NALF1: variants seen among roughly 807,000 people sequenced by gnomAD.
The protein encoded by NALF1 is family with sequence similarity 155 member A.
Under a neutral mutation model 48.4 loss-of-function variants are expected in NALF1, and 3 were observed. The observed-to-expected ratio is 0.06, with a 90% CI of 0.03 to 0.16. NALF1 has a LOEUF of 0.16. NALF1 is among the 10% of genes least tolerant of loss of function. NALF1 has a pLI of 1.00. For missense variants in NALF1, 526 were observed against 571.5 expected (o/e 0.92, Z 0.81); for synonymous variants, 262 against 245.7 (o/e 1.07, Z -0.62).
rs117044738 is a variant in NALF1 at position 107,626,750 on chromosome 13, G to C, written c.915+238932C>G. Among the ~76,000 whole-genome samples the C allele has an allele frequency of 8.5e-5, 13 of 152,132 alleles. No individual in the cohort carries two copies. In the East Asian group the frequency reaches 1.9e-3, roughly 23 times the overall value. On this transcript the variant is annotated intron_variant, in intron 1 of 2. Transcript: ENST00000375915. ...TAAAAAAGTGGATCTCATGGAGGTT[G>C]AGAGTAGACTGGTGGTTCCCAGAGG... is the stretch of plus-strand genomic sequence containing the variant.
chr13:107,356,985 G>A (rs1416852342), intron 1 of NALF1, among the ~76,000 whole-genome samples: 2 of 152,192 alleles, frequency 1.3e-5, no homozygotes, highest in East Asian at 1.9e-4. Flanking sequence ...AACATTTGGT[G>A]AATAGATAGT....
At chr13:107,347,382 C>A (rs1158173182) in intron 1 of NALF1, among the ~76,000 whole-genome samples, 1 of 152,222 alleles carries the variant, frequency 6.6e-6, no homozygotes, top group Non-Finnish European at 1.5e-5. Context: ...GCATCTTATT[C>A]TGAAATTTCA....
At chr13:107,272,091 C>G (rs1566470925) in intron 1 of NALF1, among the ~76,000 whole-genome samples, 1 of 151,138 alleles carries the variant, frequency 6.6e-6, no homozygotes, top group Non-Finnish European at 1.5e-5. Flanking sequence ...ATGAATGTCT[C>G]AATATCATAT....
intron 1 of NALF1, among the ~76,000 whole-genome samples, chr13:107,735,018 G>GA (rs1321865833): frequency 3.3e-5 from 5 of 152,010 alleles, no homozygotes; most frequent in African/African-American, 4.8e-5. Flanking sequence ...CTCCTGGGAG[G>GA]AAAAAATGGA....
intron 1 of NALF1, among the ~76,000 whole-genome samples, chr13:107,688,522 T>G (rs1176492919): frequency 6.6e-6 from 1 of 152,164 alleles, no homozygotes; most frequent in Non-Finnish European, 1.5e-5. Context: ...ATGTGTCAGA[T>G]GTGCATGGCA....
chr13:107,345,510 T>A (rs1882755550), intron 1 of NALF1, among the ~76,000 whole-genome samples: 1 of 152,136 alleles, frequency 6.6e-6, no homozygotes, highest in Admixed American at 6.5e-5. Flanking sequence ...CTTGTATATA[T>A]GGCCAAGTGA....
At chr13:107,581,427 C>T (rs947170054) in intron 1 of NALF1, among the ~76,000 whole-genome samples, 3 of 152,106 alleles carry the variant, frequency 2.0e-5, no homozygotes, top group Admixed American at 6.6e-5. Flanking sequence ...GTCTTGAAAG[C>T]ATAATATAGT....
At chr13:107,245,393 G>A (rs1880561013) in intron 1 of NALF1, among the ~76,000 whole-genome samples, 1 of 152,164 alleles carries the variant, frequency 6.6e-6, no homozygotes, top group Admixed American at 6.5e-5. Flanking sequence ...TGCAAGAAAT[G>A]CCTGTTCCCT....
intron 2 of NALF1, among the ~76,000 whole-genome samples, chr13:107,194,405 C>T (rs1296901364): frequency 6.6e-6 from 1 of 152,034 alleles, no homozygotes; most frequent in African/African-American, 2.4e-5. Flanking sequence ...ACAGAGAACC[C>T]AGAAATAAAG....
At chr13:107,311,635 G>A (rs72650525) in intron 1 of NALF1, among the ~76,000 whole-genome samples, 6,544 of 151,500 alleles carry the variant, frequency 0.043, 211 homozygotes, top group East Asian at 0.16. Flanking sequence ...TTCAGTAAAA[G>A]CCTAAAAATG....
intron 1 of NALF1, among the ~76,000 whole-genome samples, chr13:107,634,298 G>A (rs982431781): frequency 1.3e-5 from 2 of 152,004 alleles, no homozygotes; most frequent in African/African-American, 4.8e-5. Flanking sequence ...GGGGTGATGA[G>A]AAATTACTTA....
At chr13:107,214,736 C>G (rs1181962976) in intron 1 of NALF1, among the ~76,000 whole-genome samples, 1 of 152,192 alleles carries the variant, frequency 6.6e-6, no homozygotes, top group East Asian at 1.9e-4. Context: ...TCTCAAGGTG[C>G]TGTCTGCAAG....
At chr13:107,848,911 G>C (rs930612499) in intron 1 of NALF1, among the ~76,000 whole-genome samples, 6 of 152,074 alleles carry the variant, frequency 3.9e-5, no homozygotes, top group Non-Finnish European at 7.4e-5. Flanking sequence ...AGGCCACATA[G>C]GTTTATTTCA....
At chr13:107,306,742 T>C (rs1881943867) in intron 1 of NALF1, among the ~76,000 whole-genome samples, 1 of 152,120 alleles carries the variant, frequency 6.6e-6, no homozygotes, top group African/African-American at 2.4e-5. Flanking sequence ...GGGAAGTGGA[T>C]CGCTTGAGCC....
intron 1 of NALF1, among the ~76,000 whole-genome samples, chr13:107,570,233 A>G (rs1432978527): frequency 6.6e-6 from 1 of 152,010 alleles, no homozygotes; most frequent in African/African-American, 2.4e-5. Context: ...TATATTAAAT[A>G]GCAGTGAGAA....
At chr13:107,660,028 G>A (rs114438435) in intron 1 of NALF1, among the ~76,000 whole-genome samples, 2,181 of 152,038 alleles carry the variant, frequency 0.014, 32 homozygotes, top group East Asian at 0.038. Context: ...ACCGCACCTG[G>A]CCAAATATTT....
At chr13:107,366,624 G>A (rs1883156383) in intron 1 of NALF1, among the ~76,000 whole-genome samples, 1 of 152,170 alleles carries the variant, frequency 6.6e-6, no homozygotes, top group African/African-American at 2.4e-5. Context: ...TCTGCCGACT[G>A]ATTTTTGCTT....
intron 1 of NALF1, among the ~76,000 whole-genome samples, chr13:107,440,146 C>T (rs73592745): frequency 0.028 from 4,210 of 152,180 alleles, 200 homozygotes; most frequent in African/African-American, 0.096. Flanking sequence ...CAATGAGGGG[C>T]TTGTGGTATA....
chr13:107,253,281 C>G (rs1566464886), intron 1 of NALF1, among the ~76,000 whole-genome samples: 1 of 151,706 alleles, frequency 6.6e-6, no homozygotes, highest in African/African-American at 2.4e-5. Flanking sequence ...TTTTGGAGCC[C>G]CAAAGTATGT....
Sources: gnomAD v4.1 joint callset for allele counts (sites outside exome capture counted in the v4.1 genomes callset) on GRCh38, gnomAD v4.1.1 for gene constraint, MANE v1.5 for transcripts, NCBI Gene and HGNC (gene_info 2026-07-23, HGNC 2026-07-21) for gene names.